MAPKBP1: variants seen among roughly 807,000 people sequenced by gnomAD.
MAPKBP1 encodes mitogen-activated protein kinase-binding protein 1.
A neutral mutation model predicts 170.5 loss-of-function variants in MAPKBP1; 71 were observed. That is an observed-to-expected ratio of 0.42 (90% CI 0.34 to 0.51). MAPKBP1 has a LOEUF of 0.51. Among genes scored for constraint, MAPKBP1 ranks in the 20% least tolerant of loss-of-function variants. The probability of loss-of-function intolerance (pLI) is 0.06; values close to 1 mark genes in which losing one functional copy is unlikely to be tolerated. For missense variants in MAPKBP1, 1,598 were observed against 1,933.0 expected, an observed-to-expected ratio of 0.83 and a Z score of 3.25; for synonymous variants, 719 against 757.9, an observed-to-expected ratio of 0.95 and a Z score of 0.84.
In MAPKBP1 at chr15:41,824,532, G is replaced by A. The variant is rs137914592; in HGVS notation, c.4262G>A (p.Arg1421His). The A allele has an allele frequency of 4.9e-5, 78 of 1,602,780 alleles. No individual in the cohort carries two copies. The highest frequency in any genetic ancestry group is 2.4e-4 in the African/African-American group (18 of 74,814). Residue 1421 changes from arginine to histidine, a missense_variant, in exon 30 of 31, where the codon CGC becomes CAC. Physicochemically the swap from Arg to His is conservative, Grantham distance 29. This residue lies in a region of MAPKBP1 where 942 missense variants were observed against 953.2 expected (regional missense o/e 0.99). Coordinates refer to ENST00000457542, the MANE Select transcript of MAPKBP1 (RefSeq NM_014994.3). ...EQCEQLVAEL[R>H]GSVRQAVRLY... ...TGTGAGCAGCTGGTGGCAGAGCTCC[G>A]CGGCAGCGTGCGCCAGGCAGTGCGG...
chr15:41,824,355 G>A (rs1027117906), intron 29 of MAPKBP1, 129 bp from the exon 30 acceptor site: 5 of 885,390 alleles, frequency 5.6e-6, no homozygotes, highest in East Asian at 2.7e-5. Flanking sequence ...GAAGCCAAGA[G>A]GAAGGGACTG....
intron 10 of MAPKBP1, among the ~76,000 whole-genome samples, chr15:41,815,004 A>G (rs1041910887): frequency 2.0e-5 from 3 of 152,274 alleles, no homozygotes; most frequent in South Asian, 2.1e-4. Flanking sequence ...AAAATGGTGT[A>G]CTTGATTCAC....
rs557681822 is a variant in MAPKBP1 at position 41,811,269 on chromosome 15, G to C, written c.327+34G>C. The C allele has an allele frequency of 3.1e-6, 5 of 1,613,266 alleles. No homozygotes were observed. The South Asian group carries it at 5.5e-5, about 18-fold the overall frequency. On this transcript the variant is annotated intron_variant, in intron 5 of 30. Coordinates refer to ENST00000457542, the MANE Select transcript of MAPKBP1 (RefSeq NM_014994.3). Reference sequence around the variant, plus strand: ...GGAAGAGGGCTGGCAGTACTGTAAAGAGGGCAGGTGTCCTGGCCTCCGCAG... The same window carrying C: ...GGAAGAGGGCTGGCAGTACTGTAAACAGGGCAGGTGTCCTGGCCTCCGCAG...
chr15:41,786,777 A>AAAATATATATAT lies in MAPKBP1; in HGVS notation c.114+11389_114+11390insAATATATATATA. Among the ~76,000 whole-genome samples the AAAATATATATAT allele has an allele frequency of 1.9e-3, 60 of 32,422 alleles. 1 individual carries two copies. Among genetic ancestry groups the AAAATATATATAT allele is most frequent in the Admixed American group, 2.7e-3 (7 of 2,586 alleles). The allele number at this position is 32,422 out of a possible 152,430, so 21.3% of individuals were successfully genotyped here. A position where few individuals can be genotyped will look rare whatever the true frequency, so the allele number is the denominator to read the frequency against. ...CAGACTCCGTCTAAAAAAAAAAAAAAATATATATATATATATATATATATA... is the reference window on the plus strand; with the variant it reads ...CAGACTCCGTCTAAAAAAAAAAAAAAAAATATATATATATATATATATATATATATATATATA... On this transcript the variant is annotated intron_variant, in intron 2 of 30. Transcript: ENST00000457542.
intron 8 of MAPKBP1, 128 bp downstream of exon 8, chr15:41,813,229 G>T: frequency 6.6e-7 from 1 of 1,511,374 alleles, no homozygotes; most frequent in South Asian, 1.2e-5. Context: ...ACGAAGCTTG[G>T]GGGAGCTAGA....
chr15:41,777,367 C>T (rs2064115889), intron 2 of MAPKBP1, among the ~76,000 whole-genome samples: 1 of 151,252 alleles, frequency 6.6e-6, no homozygotes, highest in Admixed American at 6.6e-5. Context: ...GGAAAGGCTT[C>T]ACAGAGGAAG....
intron 3 of MAPKBP1, among the ~76,000 whole-genome samples, chr15:41,808,460 C>A (rs2064743623): frequency 6.6e-6 from 1 of 150,918 alleles, no homozygotes; most frequent in South Asian, 2.1e-4. Context: ...GTTTCCAGAG[C>A]CATCTTGCTT....
At chr15:41,819,552 G>GGGA in intron 21 of MAPKBP1, 43 bp from the exon 22 acceptor site, 1 of 1,508,798 alleles carries the variant, frequency 6.6e-7, no homozygotes, top group South Asian at 1.1e-5. Flanking sequence ...GGTGGCGGGG[G>GGGA]GGGGGCAGGA....
intron 21 of MAPKBP1, 50 bp from the exon 22 acceptor site, chr15:41,819,545 G>A: frequency 6.7e-7 from 1 of 1,494,888 alleles, no homozygotes; most frequent in Non-Finnish European, 9.0e-7. Context: ...AGGGTTGGGT[G>A]GCGGGGGGGG....
chr15:41,797,766 C>T (rs541275046), intron 2 of MAPKBP1, among the ~76,000 whole-genome samples: 26 of 152,292 alleles, frequency 1.7e-4, no homozygotes, highest in Non-Finnish European at 3.2e-4. Context: ...ATTGAAACCA[C>T]ATCTACCAGT....
Position 41,786,777 on chromosome 15 carries a change from A to AAAAAATATATATATATATAT in MAPKBP1, c.114+11389_114+11390insAAAATATATATATATATATA. Among the ~76,000 whole-genome samples the AAAAAATATATATATATATAT allele has an allele frequency of 5.9e-3, 191 of 32,180 alleles. 2 individuals are homozygous for AAAAAATATATATATATATAT. The highest frequency in any genetic ancestry group is 7.5e-3 in the Admixed American group (19 of 2,550). 21.1% of individuals were successfully genotyped at this position (32,180 alleles called of 152,430 possible). ...CAGACTCCGTCTAAAAAAAAAAAAAAATATATATATATATATATATATATA... is the reference window on the plus strand; with the variant it reads ...CAGACTCCGTCTAAAAAAAAAAAAAAAAAAATATATATATATATATATATATATATATATATATATATATA... On this transcript the variant is annotated intron_variant, in intron 2 of 30. Transcript: ENST00000457542.
rs1375016841 is a variant in MAPKBP1 at position 41,811,970 on chromosome 15, C to T, written c.341C>T (p.Pro114Leu). The T allele has an allele frequency of 6.2e-7, 1 of 1,614,022 alleles. No homozygotes were observed. The highest frequency in any genetic ancestry group is 8.5e-7 in the Non-Finnish European group (1 of 1,180,036). Reference sequence around the variant, plus strand: ...GCCTCCCTGCAGAGTGGGCACATGCCTGCCGTGCGGGTTTGGGACGTGGCA... The same window carrying T: ...GCCTCCCTGCAGAGTGGGCACATGCTTGCCGTGCGGGTTTGGGACGTGGCA... ...YLVTGESGHM[P>L]AVRVWDVAEH... The change falls in exon 6 of 31, where the codon CCT (proline) becomes CTT (leucine). Residue 114 changes from proline to leucine, a missense_variant. Transcript: ENST00000457542.
intron 26 of MAPKBP1, 34 bp downstream of exon 26, chr15:41,822,456 A>G (rs763853184): frequency 6.2e-7 from 1 of 1,608,798 alleles, no homozygotes; most frequent in Non-Finnish European, 8.5e-7. Flanking sequence ...AGTGCCTGCA[A>G]TTTGCCCTTC....
chr15:41,788,455 A>T (rs1051514169), intron 2 of MAPKBP1, among the ~76,000 whole-genome samples: 1 of 152,232 alleles, frequency 6.6e-6, no homozygotes, highest in African/African-American at 2.4e-5. Flanking sequence ...TAAGCAGTGC[A>T]TGCCATGTGA....
At chr15:41,774,707 G>C in intron 1 of MAPKBP1, 97 bp downstream of exon 1, 2 of 398,914 alleles carry the variant, frequency 5.0e-6, no homozygotes, top group Non-Finnish European at 8.8e-6. Context: ...GGCGGAGAGC[G>C]AGCTCTGGAG....
chr15:41,816,785 C>T lies in MAPKBP1; in HGVS notation c.1586-125C>T, dbSNP rs894155423. ...TTTGCTGGTTTAGAGGAAGACAGCT[C>T]TGTCCTTGCTCCATGGTTCACATGG... On this transcript the variant is annotated intron_variant, in intron 13 of 30. Transcript: ENST00000457542. 1.4e-5 allele frequency: 20 copies of T among 1,478,282 alleles called. No homozygotes were observed. The Admixed American group carries it at 2.0e-4, about 15-fold the overall frequency. 91.6% of individuals were successfully genotyped at this position (1,478,282 alleles called of 1,614,324 possible).
chr15:41,815,690 G>A lies in MAPKBP1; in HGVS notation c.1384G>A (p.Gly462Arg), dbSNP rs771299083. The change falls in exon 12 of 31, where the codon GGA becomes AGA. Residue 462 changes from glycine to arginine, a missense_variant. By Grantham distance (125) the Gly-to-Arg change is moderately radical. This residue lies in a region of MAPKBP1 where 430 missense variants were observed against 617.2 expected (regional missense o/e 0.70). Transcript: ENST00000457542. ...CCTGCTGGACACAGAGCTGCCTGGA[G>A]GAGACAAAGCTGATGCATCCCTGTT... ...QALLDTELPG[G>R]DKADASLLDP... The A allele has an allele frequency of 6.2e-6, 10 of 1,614,048 alleles. No individual in the cohort carries two copies. In the Admixed American group the frequency reaches 1.7e-4, roughly 27 times the overall value.
chr15:41,817,491 G>GGGGTTTTCCTTTGTGGGGGGGC lies in MAPKBP1; in HGVS notation c.1782+33_1782+34insGGGTTTTCCTTTGTGGGGGGGC. On this transcript the variant is annotated intron_variant, in intron 15 of 30. Transcript: ENST00000457542. This position sits in a 1 kb window ranked among gnomAD's most constrained non-coding sequence, Gnocchi z 4.2. ...CGCTGGGCTTTCCTGAGAGGGGCGG[G>GGGGTTTTCCTTTGTGGGGGGGC]ACAGGGCGGGGTCTGCCATTCCCTG... is the stretch of plus-strand genomic sequence containing the variant. 1 of 807,514 alleles carries GGGGTTTTCCTTTGTGGGGGGGC rather than the reference G, an allele frequency of 1.2e-6. No homozygotes were observed. The highest frequency in any genetic ancestry group is 2.0e-6 in the Non-Finnish European group (1 of 492,294). 50.0% of individuals were successfully genotyped at this position (807,514 alleles called of 1,614,324 possible).
chr15:41,813,799 C>G lies in MAPKBP1; in HGVS notation c.980+18C>G. The stretch of plus-strand genomic sequence containing the variant: ...GAGGCCAGGTGAGCTATGTGGGCCC[C>G]CCTTCCTCCATTTGTAGCCTTACCC... On this transcript the variant is annotated intron_variant, in intron 9 of 30. Coordinates refer to ENST00000457542, the MANE Select transcript of MAPKBP1 (RefSeq NM_014994.3). 5.7e-6 allele frequency: 9 copies of G among 1,565,440 alleles called. No homozygotes were observed. Among genetic ancestry groups the G allele is most frequent in the Admixed American group, 2.0e-5 (1 of 50,882 alleles).
Sources: allele counts gnomAD v4.1 joint callset (sites outside exome capture counted in the v4.1 genomes callset), GRCh38; gene constraint gnomAD v4.1.1; regional missense constraint gnomAD v4.1.1; non-coding constraint Gnocchi (gnomAD v3.1); transcripts MANE v1.5; gene names NCBI Gene and HGNC (gene_info 2026-07-23, HGNC 2026-07-21).